The following EPRS1 variants were observed in gnomAD, a reference collection of about 807,000 sequenced individuals.
EPRS1 encodes the protein glutamyl-prolyl-tRNA synthetase 1.
Under a neutral mutation model 188.3 loss-of-function variants are expected in EPRS1, and 107 were observed. The observed-to-expected ratio is 0.57, with a 90% CI of 0.49 to 0.67. The LOEUF (loss-of-function observed/expected upper bound fraction) is 0.67, where lower values mean the gene tolerates loss of function less well. EPRS1 is among the 30% of genes least tolerant of loss of function. The probability of loss-of-function intolerance (pLI) is 0.00; values close to 1 mark genes in which losing one functional copy is unlikely to be tolerated. For missense variants in EPRS1, 1,577 were observed against 1,802.2 expected, an observed-to-expected ratio of 0.88 and a Z score of 2.26; for synonymous variants, 596 against 593.1, an observed-to-expected ratio of 1.00 and a Z score of -0.07.
intron 6 of EPRS1, among the ~76,000 whole-genome samples, chr1:220,027,735 C>T (rs1328432925): frequency 6.6e-6 from 1 of 151,992 alleles, no homozygotes; most frequent in Non-Finnish European, 1.5e-5. Context: ...GTAATCCCGA[C>T]ACTATGGGAG....
intron 6 of EPRS1, among the ~76,000 whole-genome samples, chr1:220,025,923 T>G (rs563274393): frequency 1.3e-5 from 2 of 151,728 alleles, no homozygotes; most frequent in African/African-American, 4.8e-5. Context: ...GCCCCCCAAA[T>G]AGCTGGGACT....
chr1:220,043,811 T>C (rs72747320), intron 1 of EPRS1, among the ~76,000 whole-genome samples: 24,017 of 152,144 alleles, frequency 0.16, 2,405 homozygotes, highest in Admixed American at 0.27. Flanking sequence ...AAGGGAAGAC[T>C]AGGAAACCAT....
At chr1:219,981,286 A>T in intron 24 of EPRS1, 92 bp downstream of exon 24, 1 of 755,114 alleles carries the variant, frequency 1.3e-6, no homozygotes, top group Non-Finnish European at 2.1e-6. Context: ...CCATACTCCC[A>T]ATCCTTTGAA....
At chr1:220,037,131 T>C (rs1662197810) in intron 2 of EPRS1, among the ~76,000 whole-genome samples, 1 of 151,982 alleles carries the variant, frequency 6.6e-6, no homozygotes, top group Non-Finnish European at 1.5e-5. Context: ...AGTTGGATGC[T>C]GTAGTGTGCT....
At chr1:219,980,043 G>A (rs1660865314) in intron 26 of EPRS1, 42 bp downstream of exon 26, 1 of 1,575,774 alleles carries the variant, frequency 6.3e-7, no homozygotes, top group Non-Finnish European at 8.7e-7. Context: ...TCCATGGACT[G>A]TGCTTACAGT....
intron 17 of EPRS1, among the ~76,000 whole-genome samples, chr1:219,999,402 C>T (rs1205777677): frequency 6.6e-6 from 1 of 151,760 alleles, no homozygotes; most frequent in East Asian, 1.9e-4. Flanking sequence ...TGTGCCCTTT[C>T]CTGAATCTGA....
At chr1:220,030,259 ACT>A (rs1368266200) in intron 6 of EPRS1, 125 bp downstream of exon 6, 3 of 593,378 alleles carry the variant, frequency 5.1e-6, no homozygotes, top group African/African-American at 1.9e-5. Flanking sequence ...TAGAATTTTA[ACT>A]CTCACAATTA....
rs922678007 is a variant in EPRS1 at position 220,024,139 on chromosome 1, G to A, written c.943+125C>T. On this transcript the variant is annotated intron_variant, in intron 8 of 31. Transcript: ENST00000366923. The stretch of plus-strand genomic sequence containing the variant: ...TGTACTCCAGCCCAGGCAACAGAGC[G>A]AGACTCCTTCTCAAAACAAACAAAC... 7.5e-5 allele frequency: 50 copies of A among 666,292 alleles called. 1 individual carries two copies. Among genetic ancestry groups the A allele is most frequent in the Middle Eastern group, 3.6e-4 (1 of 2,814 alleles). 41.3% of individuals were successfully genotyped at this position (666,292 alleles called of 1,614,324 possible).
chr1:220,046,337 C>G lies in EPRS1; in HGVS notation c.46+6G>C. 1 of 1,614,112 alleles carries G rather than the reference C, an allele frequency of 6.2e-7. No homozygotes were observed. The highest frequency in any genetic ancestry group is 8.5e-7 in the Non-Finnish European group (1 of 1,180,022). On this transcript the variant is annotated splice_donor_region_variant and intron_variant, in intron 1 of 31. Transcript: ENST00000366923. Reference sequence around the variant, plus strand: ...CCCACACAGGTCATTGGTCTCGGCCCCTTACCTAGCGGAGGGTCTCCTGAA... The same window carrying G: ...CCCACACAGGTCATTGGTCTCGGCCGCTTACCTAGCGGAGGGTCTCCTGAA...
At chr1:220,001,331 G>C (rs1235769755) in intron 16 of EPRS1, 76 bp from the exon 17 acceptor site, 1 of 853,964 alleles carries the variant, frequency 1.2e-6, no homozygotes, top group Non-Finnish European at 2.0e-6. Context: ...TGAATTCCTA[G>C]ATAAATTCAA....
intron 18 of EPRS1, among the ~76,000 whole-genome samples, chr1:219,990,237 G>A (rs1327342080): frequency 6.6e-6 from 1 of 151,800 alleles, no homozygotes; most frequent in African/African-American, 2.4e-5. Flanking sequence ...ATAAAGCTAT[G>A]TATTCATATA....
intron 29 of EPRS1, among the ~76,000 whole-genome samples, chr1:219,972,682 T>C (rs1322919716): frequency 6.6e-6 from 1 of 152,218 alleles, no homozygotes; most frequent in Non-Finnish European, 1.5e-5. Flanking sequence ...TTCTGGTGCC[T>C]CTGCCTTGAC....
intron 2 of EPRS1, 116 bp from the exon 3 acceptor site, chr1:220,035,129 C>T (rs1403383076): frequency 1.3e-5 from 8 of 592,602 alleles, no homozygotes; most frequent in Non-Finnish European, 2.4e-5. Context: ...GTATTTTCTA[C>T]TATAGTAAAA....
At chr1:220,035,062 G>A in intron 2 of EPRS1, 49 bp from the exon 3 acceptor site, 1 of 887,360 alleles carries the variant, frequency 1.1e-6, no homozygotes, top group Non-Finnish European at 1.8e-6. Context: ...TAGCAAATCA[G>A]TAAGTCATGA....
chr1:220,039,094 C>T (rs531124930), intron 2 of EPRS1, among the ~76,000 whole-genome samples: 53 of 152,292 alleles, frequency 3.5e-4, no homozygotes, highest in Non-Finnish European at 5.3e-4. Flanking sequence ...GTTACAGGTA[C>T]CCTGATTCTG....
At chr1:220,000,866 A>C (rs968515304) in intron 17 of EPRS1, among the ~76,000 whole-genome samples, 1 of 152,172 alleles carries the variant, frequency 6.6e-6, no homozygotes, top group Non-Finnish European at 1.5e-5. Flanking sequence ...TTGTAATCCC[A>C]ACTGCTCAGG....
chr1:219,976,630 T>C (rs1660786656), intron 28 of EPRS1, among the ~76,000 whole-genome samples: 1 of 152,144 alleles, frequency 6.6e-6, no homozygotes, highest in South Asian at 2.1e-4. Context: ...TTGTTATAAG[T>C]TGGTGACTGT....
intron 18 of EPRS1, among the ~76,000 whole-genome samples, chr1:219,989,306 A>T (rs932159405): frequency 2.0e-5 from 3 of 152,124 alleles, no homozygotes; most frequent in Non-Finnish European, 4.4e-5. Context: ...TGAGATGAGA[A>T]AGCATGTTGA....
chr1:220,007,730 T>C (rs994292034), intron 13 of EPRS1, among the ~76,000 whole-genome samples: 6 of 152,170 alleles, frequency 3.9e-5, no homozygotes, highest in Non-Finnish European at 8.8e-5. Context: ...TACTTTATCA[T>C]TTAGTATCTC....
Sources: gnomAD v4.1 joint callset for allele counts (sites outside exome capture counted in the v4.1 genomes callset) on GRCh38, gnomAD v4.1.1 for gene constraint, MANE v1.5 for transcripts, NCBI Gene and HGNC (gene_info 2026-07-23, HGNC 2026-07-21) for gene names.